The following ARHGAP20 variants were observed in gnomAD, a reference collection of about 807,000 sequenced individuals.
The protein encoded by ARHGAP20 is rho GTPase-activating protein 20.
ARHGAP20 carries 34 observed loss-of-function variants against 73.7 expected under a neutral mutation model. The ratio of observed to expected loss-of-function variants is 0.46; its 90% CI spans 0.35 to 0.61. ARHGAP20 has a LOEUF of 0.61. ARHGAP20 is among the 20% of genes least tolerant of loss of function. The probability of loss-of-function intolerance (pLI) is 0.00; values close to 1 mark genes in which losing one functional copy is unlikely to be tolerated. For synonymous variants in ARHGAP20, 523 were observed against 518.2 expected (o/e 1.01, Z -0.13); for missense variants, 1,314 against 1,420.9 (o/e 0.92, Z 1.21).
At position 110,582,830 on chromosome 11, in the gene ARHGAP20, T is replaced by C. The variant is rs527339849; in HGVS notation, c.1606-395A>G. On this transcript the variant is annotated intron_variant, in intron 13 of 14. Coordinates refer to ENST00000683387, the MANE Select transcript of ARHGAP20 (RefSeq NM_001384657.1). ...AGAGGGCTCATCTGCGAGTGCACTG[T>C]GAAGGAGAAAGACAGCTAGAAAGAA... Among the ~76,000 whole-genome samples the C allele has an allele frequency of 2.0e-5, 3 of 152,352 alleles. No individual in the cohort carries two copies. In the South Asian group the frequency reaches 6.2e-4, roughly 32 times the overall value.
At chr11:110,705,113 C>A (rs1950529961) in intron 1 of ARHGAP20, among the ~76,000 whole-genome samples, 1 of 152,042 alleles carries the variant, frequency 6.6e-6, no homozygotes, top group Non-Finnish European at 1.5e-5. Flanking sequence ...TTTACAATTA[C>A]ATATTTTTGT....
chr11:110,695,479 C>T (rs1287312772), intron 1 of ARHGAP20, among the ~76,000 whole-genome samples: 1 of 151,468 alleles, frequency 6.6e-6, no homozygotes, highest in Non-Finnish European at 1.5e-5. Flanking sequence ...AATATTAAAA[C>T]TCAATAATAA....
intron 3 of ARHGAP20, among the ~76,000 whole-genome samples, chr11:110,625,662 G>A (rs147789016): frequency 0.025 from 3,869 of 152,030 alleles, 61 homozygotes; most frequent in Non-Finnish European, 0.042. Context: ...ATTGCTTTTA[G>A]ACAATTTCTA....
chr11:110,704,449 G>A (rs1950516631), intron 1 of ARHGAP20, among the ~76,000 whole-genome samples: 1 of 152,098 alleles, frequency 6.6e-6, no homozygotes. Context: ...TTAGGTCAAG[G>A]CTGCTCTCAG....
chr11:110,578,556 A>G lies in ARHGAP20; in HGVS notation c.*814T>C, dbSNP rs1947346646. The G allele has an allele frequency of 1.0e-6, 1 of 985,310 alleles. No individual in the cohort carries two copies. The highest frequency in any genetic ancestry group is 1.7e-5 in the African/African-American group (1 of 57,240). The allele number at this position is 985,310 out of a possible 1,614,324, so 61.0% of individuals were successfully genotyped here. ...AACGCTGTCAGGAGGTCACCTTCTA[A>G]ATAGAAGAAGTTGCATTTCTGAAGA... On this transcript the variant is annotated 3_prime_UTR_variant, in exon 15 of 15. Transcript: ENST00000683387.
intron 4 of ARHGAP20, among the ~76,000 whole-genome samples, chr11:110,616,050 T>C (rs566018806): frequency 1.3e-5 from 2 of 152,130 alleles, no homozygotes; most frequent in Admixed American, 1.3e-4. Flanking sequence ...GCCATACAAA[T>C]AGAAAGTATG....
intron 3 of ARHGAP20, among the ~76,000 whole-genome samples, chr11:110,627,979 C>G (rs1948781023): frequency 6.6e-6 from 1 of 152,176 alleles, no homozygotes; most frequent in South Asian, 2.1e-4. Flanking sequence ...AAACTCAAAA[C>G]AATTTTCAGC....
At chr11:110,597,076 T>C (rs1947983847) in intron 9 of ARHGAP20, among the ~76,000 whole-genome samples, 1 of 133,236 alleles carries the variant, frequency 7.5e-6, no homozygotes, top group Admixed American at 9.1e-5. Context: ...CACTCATAGG[T>C]GGGAATTGAA....
At chr11:110,582,499 T>C in intron 13 of ARHGAP20, 64 bp from the exon 14 acceptor site, 1 of 1,096,724 alleles carries the variant, frequency 9.1e-7, no homozygotes, top group Non-Finnish European at 1.4e-6. Context: ...TCACATTTCA[T>C]ATATAAATCC....
At position 110,578,479 on chromosome 11, in the gene ARHGAP20, G is replaced by C. The variant is rs1947344748; in HGVS notation, c.*891C>G. 1 of 985,326 alleles carries C rather than the reference G, an allele frequency of 1.0e-6. No individual in the cohort carries two copies. The highest frequency in any genetic ancestry group is 4.7e-5 in the South Asian group (1 of 21,284). 61.0% of individuals were successfully genotyped at this position (985,326 alleles called of 1,614,324 possible). A position where few individuals can be genotyped will look rare whatever the true frequency, so the allele number is the denominator to read the frequency against. ...GTTTGATCACATTTTAACAGCATTT[G>C]TGTAATTGAGAAAGGACAGTTGTTG... On this transcript the variant is annotated 3_prime_UTR_variant, in exon 15 of 15. Transcript: ENST00000683387.
chr11:110,583,581 G>T lies in ARHGAP20; in HGVS notation c.1572C>A (p.Ser524=). Residue 524 remains serine (S), a synonymous_variant, in exon 13 of 15, where the codon TCC becomes TCA. Transcript: ENST00000683387. ...TAAATTCGTTTTCTAGTTCTGGGCT[G>T]GAGGAAGCAGGAGGCCAAAGAATAC... ...APSILWPPAS[S]SPELENEFTK... The T allele has an allele frequency of 6.2e-7, 1 of 1,610,418 alleles. No homozygotes were observed. The highest frequency in any genetic ancestry group is 1.7e-5 in the Admixed American group (1 of 59,804).
At chr11:110,653,896 C>G (rs905882893) in intron 2 of ARHGAP20, among the ~76,000 whole-genome samples, 9 of 152,030 alleles carry the variant, frequency 5.9e-5, no homozygotes, top group African/African-American at 1.9e-4. Context: ...TAAGAAGGAA[C>G]AAGATAATGT....
At chr11:110,668,905 A>C (rs1381276178) in intron 2 of ARHGAP20, among the ~76,000 whole-genome samples, 1 of 152,198 alleles carries the variant, frequency 6.6e-6, no homozygotes, top group Non-Finnish European at 1.5e-5. Flanking sequence ...ATGCTGGAAC[A>C]ACTGAATAGC....
intron 3 of ARHGAP20, among the ~76,000 whole-genome samples, chr11:110,627,851 A>C (rs1948778109): frequency 6.6e-6 from 1 of 152,148 alleles, no homozygotes. Context: ...AAAAAAGAAA[A>C]CTCATGATTT....
At chr11:110,588,232 T>C (rs190460393) in intron 11 of ARHGAP20, among the ~76,000 whole-genome samples, 1 of 152,320 alleles carries the variant, frequency 6.6e-6, no homozygotes, top group African/African-American at 2.4e-5. Flanking sequence ...CAGCACTTAG[T>C]TGAATGTCTC....
intron 2 of ARHGAP20, among the ~76,000 whole-genome samples, chr11:110,689,904 TTTCC>T: frequency 6.6e-6 from 1 of 152,126 alleles, no homozygotes; most frequent in East Asian, 1.9e-4. Flanking sequence ...CAAGTTGTAC[TTTCC>T]TTCCTTTCCT....
rs1215429535 is a variant in ARHGAP20, at chr11:110,614,603, A to G, written c.588T>C (p.Ile196=). The G allele has an allele frequency of 6.2e-7, 1 of 1,613,030 alleles. No homozygotes were observed. Among genetic ancestry groups the G allele is most frequent in the South Asian group, 1.1e-5 (1 of 90,816 alleles). ...TGTCCTTGGCGAAGATTTTGAGGGG[A>G]ATGCTCTTCGGGTAGTCCTTTTCTT... ...LEKEKDYPKS[I]PLKIFAKDIG... is the part of the protein sequence containing the mutation. The change falls in exon 6 of 15, where the codon ATT becomes ATC. Residue 196 remains isoleucine, a synonymous_variant. Coordinates refer to ENST00000683387, the MANE Select transcript of ARHGAP20 (RefSeq NM_001384657.1).
At chr11:110,632,840 G>A (rs537985214) in intron 2 of ARHGAP20, among the ~76,000 whole-genome samples, 19 of 152,128 alleles carry the variant, frequency 1.2e-4, no homozygotes, top group Admixed American at 4.6e-4. Flanking sequence ...GTTATTATAC[G>A]CATATTGAGT....
intron 2 of ARHGAP20, among the ~76,000 whole-genome samples, chr11:110,652,335 G>C (rs1038547792): frequency 6.6e-6 from 1 of 152,114 alleles, no homozygotes; most frequent in Non-Finnish European, 1.5e-5. Flanking sequence ...ACATGACAAT[G>C]ATATGCTCTC....
Sources: gnomAD v4.1 joint callset for allele counts (sites outside exome capture counted in the v4.1 genomes callset) on GRCh38, gnomAD v4.1.1 for gene constraint, MANE v1.5 for transcripts, NCBI Gene and HGNC (gene_info 2026-07-23, HGNC 2026-07-21) for gene names.